The following FLVCR1 variants were observed in gnomAD, a reference collection of about 807,000 sequenced individuals.
The protein encoded by FLVCR1 is choline/ethanolamine transporter FLVCR1.
Under a neutral mutation model 53.6 loss-of-function variants are expected in FLVCR1, and 34 were observed. The observed-to-expected ratio is 0.63, with a 90% CI of 0.48 to 0.84. The LOEUF (loss-of-function observed/expected upper bound fraction) is 0.84, where lower values mean the gene tolerates loss of function less well. FLVCR1 is among the 40% of genes least tolerant of loss of function. The pLI, the probability that FLVCR1 is intolerant of heterozygous loss-of-function variation, is 0.00. For missense variants in FLVCR1, 677 were observed against 696.7 expected (o/e 0.97, Z 0.32); for synonymous variants, 300 against 286.3 (o/e 1.05, Z -0.48).
intron 3 of FLVCR1, among the ~76,000 whole-genome samples, chr1:212,879,255 C>T (rs1359374732): frequency 6.6e-6 from 1 of 152,072 alleles, no homozygotes; most frequent in Non-Finnish European, 1.5e-5. Flanking sequence ...GTGGAGAGTT[C>T]AACAGTATTT....
chr1:212,890,456 G>T (rs1287070328), intron 8 of FLVCR1, among the ~76,000 whole-genome samples: 1 of 121,864 alleles, frequency 8.2e-6, no homozygotes, highest in Non-Finnish European at 1.9e-5. Flanking sequence ...GATAGCTAAT[G>T]AGCTAAAAAA....
intron 2 of FLVCR1, among the ~76,000 whole-genome samples, chr1:212,868,399 T>A (rs1308152830): frequency 6.6e-6 from 1 of 151,560 alleles, no homozygotes; most frequent in East Asian, 2.0e-4. Context: ...ATTCAAGATA[T>A]CTATAAACTT....
In FLVCR1 at chr1:212,895,661, T is replaced by C. The variant is rs1287183876; in HGVS notation, c.*371T>C. 2 of 312,518 alleles carry C rather than the reference T, an allele frequency of 6.4e-6. No individual in the cohort carries two copies. The highest frequency in any genetic ancestry group is 9.5e-5 in the Admixed American group (2 of 20,962). The allele number at this position is 312,518 out of a possible 1,614,324, so 19.4% of individuals were successfully genotyped here. A position where few individuals can be genotyped will look rare whatever the true frequency, so the allele number is the denominator to read the frequency against. On this transcript the variant is annotated 3_prime_UTR_variant, in exon 10 of 10. Transcript: ENST00000366971. ...TAAAGTGATAATATGGGGTGTTCAG[T>C]CCCCATAAGATATAATAGTTCATGC...
intron 7 of FLVCR1, among the ~76,000 whole-genome samples, 160 bp downstream of exon 7, chr1:212,888,754 G>A (rs1665119835): frequency 6.6e-6 from 1 of 152,108 alleles, no homozygotes; most frequent in Non-Finnish European, 1.5e-5. Flanking sequence ...GTGCAGTCAT[G>A]GCTAACTATA....
chr1:212,890,668 C>A (rs983670059), intron 8 of FLVCR1, among the ~76,000 whole-genome samples: 1 of 152,100 alleles, frequency 6.6e-6, no homozygotes, highest in South Asian at 2.1e-4. Flanking sequence ...CCCGCAGATA[C>A]CAAGGGAGGT....
intron 5 of FLVCR1, among the ~76,000 whole-genome samples, chr1:212,887,688 G>T (rs2291773): frequency 0.46 from 70,471 of 151,980 alleles, 17,579 homozygotes; most frequent in East Asian, 0.56. Flanking sequence ...CTGAGCATTC[G>T]ATATGGTGTG....
rs748651825 is a variant in FLVCR1, at chr1:212,879,448, G to GAAT, written c.1025-3918_1025-3916dup. Reference sequence around the variant, plus strand: ...TTGCTTGTGGGATACTCTGGATAAGGAATAATACTTCTAGAATAGAGCTTC... The same window carrying GAAT: ...TTGCTTGTGGGATACTCTGGATAAGGAATAATAATACTTCTAGAATAGAGCTTC... On this transcript the variant is annotated intron_variant, in intron 3 of 9. Coordinates refer to ENST00000366971, the MANE Select transcript of FLVCR1 (RefSeq NM_014053.4). Among the ~76,000 whole-genome samples, 27 of 152,224 alleles carry GAAT rather than the reference G, an allele frequency of 1.8e-4. 1 individual carries two copies. In the Middle Eastern group the frequency reaches 0.017, roughly 96 times the overall value.
chr1:212,872,785 A>C lies in FLVCR1; in HGVS notation c.991A>C (p.Asn331His), dbSNP rs751334952. Residue 331 changes from asparagine (N) to histidine (H), a missense_variant, in exon 3 of 10, where the codon AAC becomes CAC. Transcript: ENST00000366971. ...GAAATCAATAAGAAACCTGTTTAAA[A>C]ACATTCCTTTTGTCCTTCTGTTGAT... is the stretch of plus-strand genomic sequence containing the variant. The part of the protein sequence containing the change: ...YKKSIRNLFK[N>H]IPFVLLLITY... The C allele has an allele frequency of 6.2e-7, 1 of 1,613,996 alleles. No homozygotes were observed. The highest frequency in any genetic ancestry group is 1.7e-5 in the Admixed American group (1 of 60,012).
At chr1:212,883,020 C>T (rs1327793428) in intron 3 of FLVCR1, among the ~76,000 whole-genome samples, 1 of 152,152 alleles carries the variant, frequency 6.6e-6, no homozygotes, top group East Asian at 1.9e-4. Context: ...TGTAGTAGTA[C>T]ATTGTAGGAA....
chr1:212,879,059 A>T (rs1664850190), intron 3 of FLVCR1, among the ~76,000 whole-genome samples: 1 of 152,112 alleles, frequency 6.6e-6, no homozygotes, highest in South Asian at 2.1e-4. Flanking sequence ...AAATGGAGGG[A>T]TATACCATGT....
chr1:212,893,996 G>A (rs957126143), intron 8 of FLVCR1, among the ~76,000 whole-genome samples: 2 of 151,752 alleles, frequency 1.3e-5, no homozygotes, highest in African/African-American at 4.8e-5. Context: ...GGCTGGTCTC[G>A]AACTCCTGAC....
chr1:212,895,162 A>G, intron 9 of FLVCR1, 54 bp from the exon 10 acceptor site: 1 of 1,451,408 alleles, frequency 6.9e-7, no homozygotes, highest in Non-Finnish European at 9.7e-7. Flanking sequence ...TTGATCTGTT[A>G]TAATAGGATA....
intron 3 of FLVCR1, among the ~76,000 whole-genome samples, chr1:212,878,808 G>A (rs1558116209): frequency 6.6e-6 from 1 of 151,896 alleles, no homozygotes; most frequent in Non-Finnish European, 1.5e-5. Flanking sequence ...AGGCAATGTG[G>A]CAAAACCTCA....
Position 212,895,339 on chromosome 1 carries a change from A to G in FLVCR1, c.*49A>G. ...TGTAGTAATTGGGGACAATGTGATC[A>G]TCCTTGGAGAGAGATGTGAGCACCA... On this transcript the variant is annotated 3_prime_UTR_variant, in exon 10 of 10. Transcript: ENST00000366971. 1 of 1,377,570 alleles carries G rather than the reference A, an allele frequency of 7.3e-7. No homozygotes were observed. Among genetic ancestry groups the G allele is most frequent in the Non-Finnish European group, 1.0e-6 (1 of 963,538 alleles). 85.3% of individuals were successfully genotyped at this position (1,377,570 alleles called of 1,614,324 possible).
chr1:212,858,364 G>A lies in FLVCR1; in HGVS notation c.-89G>A, dbSNP rs1442894660. On this transcript the variant is annotated 5_prime_UTR_variant, in exon 1 of 10. Transcript: ENST00000366971. ...GCGGTGGGCCGAGGGGTTGGAGGTG[G>A]GGCCCCAGGAGGACCTCGGGCTGTG... is the stretch of plus-strand genomic sequence containing the variant. 23 of 1,259,940 alleles carry A rather than the reference G, an allele frequency of 1.8e-5. No individual in the cohort carries two copies. In the East Asian group the frequency reaches 6.0e-4, roughly 33 times the overall value. 78.0% of individuals were successfully genotyped at this position (1,259,940 alleles called of 1,614,324 possible).
intron 8 of FLVCR1, among the ~76,000 whole-genome samples, chr1:212,892,882 G>A (rs1324644017): frequency 6.6e-6 from 1 of 152,056 alleles, no homozygotes; most frequent in Non-Finnish European, 1.5e-5. Flanking sequence ...CAGGAGTTTG[G>A]AGGAAGTTAA....
chr1:212,875,994 C>A (rs1372255185), intron 3 of FLVCR1, among the ~76,000 whole-genome samples: 1 of 151,684 alleles, frequency 6.6e-6, no homozygotes, highest in African/African-American at 2.4e-5. Context: ...TCAAGCAATT[C>A]TCCTGCCTCA....
chr1:212,865,920 G>GGA (rs1325313561), intron 2 of FLVCR1, among the ~76,000 whole-genome samples: 1,440 of 57,318 alleles, frequency 0.025, 59 homozygotes, highest in Non-Finnish European at 0.036. Context: ...GGTTCAAGCA[G>GGA]TTCTCGTGCC....
intron 2 of FLVCR1, among the ~76,000 whole-genome samples, chr1:212,868,856 A>G (rs756852768): frequency 6.6e-6 from 1 of 152,190 alleles, no homozygotes; most frequent in Non-Finnish European, 1.5e-5. Flanking sequence ...ATTATTTTAC[A>G]TATATTGTAT....
Sources: allele counts gnomAD v4.1 joint callset (sites outside exome capture counted in the v4.1 genomes callset), GRCh38; gene constraint gnomAD v4.1.1; transcripts MANE v1.5; gene names NCBI Gene and HGNC (gene_info 2026-07-23, HGNC 2026-07-21).